The following ZNF235 variants were observed in gnomAD, a reference collection of about 807,000 sequenced individuals.
ZNF235 encodes the protein zfp-93.
ZNF235 carries 25 observed loss-of-function variants against 29.4 expected under a neutral mutation model. The ratio of observed to expected loss-of-function variants is 0.85; its 90% CI spans 0.62 to 1.19. ZNF235 has a LOEUF of 1.19. Among genes scored for constraint, ZNF235 ranks in the 50% most tolerant of loss-of-function variants. The probability of loss-of-function intolerance (pLI) is 0.00; values close to 1 mark genes in which losing one functional copy is unlikely to be tolerated. For missense variants in ZNF235, 788 were observed against 885.0 expected (o/e 0.89, Z 1.39); for synonymous variants, 300 against 295.3 (o/e 1.02, Z -0.16).
intron 1 of ZNF235, chr19:44,304,630 A>T: frequency 1.4e-6 from 1 of 735,662 alleles, no homozygotes; most frequent in Non-Finnish European, 1.7e-6. Flanking sequence ...TCTCACAAGA[A>T]CATCACTGGG....
Position 44,299,603 on chromosome 19 carries a change from T to G in ZNF235, c.142+3A>C, listed in dbSNP as rs937136362. 1 of 1,613,834 alleles carries G rather than the reference T, an allele frequency of 6.2e-7. No homozygotes were observed. Among genetic ancestry groups the G allele is most frequent in the East Asian group, 2.2e-5 (1 of 44,872 alleles). Reference sequence around the variant, plus strand: ...CTGAATTACAGAGGGTGCCTGTCCTTACCCACTGAAACCAGGTTCCTAAAG... The same window carrying G: ...CTGAATTACAGAGGGTGCCTGTCCTGACCCACTGAAACCAGGTTCCTAAAG... On this transcript the variant is annotated splice_donor_region_variant and intron_variant, in intron 3 of 4. Coordinates refer to ENST00000291182, the MANE Select transcript of ZNF235 (RefSeq NM_004234.4).
chr19:44,288,209 C>T lies in ZNF235; in HGVS notation c.1226G>A (p.Gly409Glu), dbSNP rs765620117. 1 of 1,614,138 alleles carries T rather than the reference C, an allele frequency of 6.2e-7. No homozygotes were observed. The highest frequency in any genetic ancestry group is 1.1e-5 in the South Asian group (1 of 91,080). Residue 409 changes from glycine (G) to glutamate (E), a missense_variant, in exon 5 of 5, where the codon GGG (glycine) becomes GAG (glutamate). By Grantham distance (98) the Gly-to-Glu change is moderately conservative. Coordinates refer to ENST00000291182, the MANE Select transcript of ZNF235 (RefSeq NM_004234.4). ...ATGTGATCTCTGAGTGAAGCCCTTCCCACACACCTCACATTTATAAGGTTT... is the reference window on the plus strand; with the variant it reads ...ATGTGATCTCTGAGTGAAGCCCTTCTCACACACCTCACATTTATAAGGTTT... The part of the protein sequence containing the change: ...GEKPYKCEVC[G>E]KGFTQRSHLQ...
At chr19:44,294,960 T>C (rs1299733748) in intron 4 of ZNF235, among the ~76,000 whole-genome samples, 1 of 152,104 alleles carries the variant, frequency 6.6e-6, no homozygotes, top group Non-Finnish European at 1.5e-5. Flanking sequence ...AAGCCATATA[T>C]GACAACCCAT....
intron 4 of ZNF235, among the ~76,000 whole-genome samples, chr19:44,298,077 T>C (rs934389558): frequency 1.3e-5 from 2 of 152,000 alleles, no homozygotes; most frequent in Admixed American, 1.3e-4. Context: ...CGAGACTGTG[T>C]CATTGTACTC....
At chr19:44,290,149 T>A (rs1281499622) in intron 4 of ZNF235, 1 of 152,564 alleles carries the variant, frequency 6.6e-6, no homozygotes, top group Non-Finnish European at 1.5e-5. Context: ...GTGGTGCTGG[T>A]ATCCTCCAAG....
At chr19:44,298,971 C>A (rs1975693755) in intron 3 of ZNF235, 68 bp from the exon 4 acceptor site, 6 of 1,202,768 alleles carry the variant, frequency 5.0e-6, no homozygotes. Flanking sequence ...TGGTTCCAAT[C>A]ACATGATGTA....
intron 2 of ZNF235, among the ~76,000 whole-genome samples, 169 bp downstream of exon 2, chr19:44,303,215 ATATCTC>A (rs1307924851): frequency 1.3e-5 from 2 of 148,490 alleles, no homozygotes; most frequent in Non-Finnish European, 3.0e-5. Context: ...AGATATATAT[ATATCTC>A]TCTGTTAATT....
Position 44,289,058 on chromosome 19 carries a change from A to G in ZNF235, c.377T>C (p.Ile126Thr), listed in dbSNP as rs748108291. ...LARSQDSMINIEGKSSQFPKH... is the reference protein window; with the variant it reads ...LARSQDSMINTEGKSSQFPKH... ...GGGGAACTGAGAGCTCTTTCCTTCA[A>G]TATTTATCATGGAGTCTTGACTTCT... The change falls in exon 5 of 5, where the codon ATT (isoleucine) becomes ACT (threonine). Residue 126 changes from isoleucine to threonine, a missense_variant. By Grantham distance (89) the Ile-to-Thr change is moderately conservative. Coordinates refer to ENST00000291182, the MANE Select transcript of ZNF235 (RefSeq NM_004234.4). The G allele has an allele frequency of 8.1e-6, 13 of 1,614,102 alleles. No individual in the cohort carries two copies. Among genetic ancestry groups the G allele is most frequent in the Non-Finnish European group, 9.3e-6 (11 of 1,180,008 alleles).
Position 44,288,851 on chromosome 19 carries a change from T to C in ZNF235, c.584A>G (p.Gln195Arg), listed in dbSNP as rs1975542180. ...CATCTGAGTCTGCTTACAACTTCTC[T>C]GATAATTCTGTGTCTCATTCAGATA... ...KIYLNETQNY[Q>R]RSCKQTQMKN... Residue 195 changes from glutamine to arginine, a missense_variant, in exon 5 of 5, where the codon CAG becomes CGG. By Grantham distance (43) the Gln-to-Arg change is conservative. Coordinates refer to ENST00000291182, the MANE Select transcript of ZNF235 (RefSeq NM_004234.4). 1.2e-6 allele frequency: 2 copies of C among 1,613,552 alleles called. No individual in the cohort carries two copies. The highest frequency in any genetic ancestry group is 1.7e-5 in the Admixed American group (1 of 59,930).
At chr19:44,304,354 T>C (rs1164206494) in intron 1 of ZNF235, among the ~76,000 whole-genome samples, 2 of 152,198 alleles carry the variant, frequency 1.3e-5, no homozygotes, top group African/African-American at 4.8e-5. Flanking sequence ...TTATCTGAGA[T>C]AAAACACACA....
At chr19:44,293,330 A>G (rs1975610260) in intron 4 of ZNF235, among the ~76,000 whole-genome samples, 1 of 152,160 alleles carries the variant, frequency 6.6e-6, no homozygotes, top group South Asian at 2.1e-4. Flanking sequence ...AGCAGTAAAA[A>G]AAGACAAAGT....
chr19:44,296,115 T>C (rs4802218), intron 4 of ZNF235, among the ~76,000 whole-genome samples: 1 of 151,930 alleles, frequency 6.6e-6, no homozygotes, highest in Non-Finnish European at 1.5e-5. Context: ...TAAATACATA[T>C]GAGCCCATAC....
At chr19:44,289,463 C>A in intron 4 of ZNF235, 1 of 350,712 alleles carries the variant, frequency 2.9e-6, no homozygotes. Context: ...ATGAGTCTTG[C>A]TGCCTGTGTG....
At chr19:44,301,816 G>A (rs1211057270) in intron 2 of ZNF235, among the ~76,000 whole-genome samples, 10 of 152,094 alleles carry the variant, frequency 6.6e-5, no homozygotes, top group Admixed American at 6.6e-4. Context: ...AAGCTTTAAC[G>A]TCAGCTGGGC....
chr19:44,292,753 G>A (rs891771470), intron 4 of ZNF235, among the ~76,000 whole-genome samples: 5 of 151,894 alleles, frequency 3.3e-5, no homozygotes, highest in Admixed American at 6.6e-5. Context: ...TGAACTCCAC[G>A]AAAATACATT....
chr19:44,287,122 T>C lies in ZNF235; in HGVS notation c.*96A>G, dbSNP rs1975496303. 1 of 1,288,904 alleles carries C rather than the reference T, an allele frequency of 7.8e-7. No individual in the cohort carries two copies. The highest frequency in any genetic ancestry group is 2.5e-4 in the Middle Eastern group (1 of 3,988). The allele number at this position is 1,288,904 out of a possible 1,614,324, so 79.8% of individuals were successfully genotyped here. A position where few individuals can be genotyped will look rare whatever the true frequency, so the allele number is the denominator to read the frequency against. On this transcript the variant is annotated 3_prime_UTR_variant, in exon 5 of 5. Transcript: ENST00000291182. ...TCCTGTCAAGATTCTTTGAAGCTTC[T>C]AGTTTTAAAGGAACTTTTCACAATC...
chr19:44,295,499 T>C (rs1975642579), intron 4 of ZNF235, among the ~76,000 whole-genome samples: 1 of 152,082 alleles, frequency 6.6e-6, no homozygotes, highest in Admixed American at 6.6e-5. Context: ...ATCAATATTG[T>C]TAAAAAGACC....
intron 4 of ZNF235, among the ~76,000 whole-genome samples, chr19:44,297,986 G>A (rs1975677770): frequency 6.6e-6 from 1 of 152,008 alleles, no homozygotes; most frequent in South Asian, 2.1e-4. Flanking sequence ...GGGTGTGGTG[G>A]TGCACACCTG....
At chr19:44,302,941 C>CGTAT (rs558722367) in intron 2 of ZNF235, among the ~76,000 whole-genome samples, 52 of 61,180 alleles carry the variant, frequency 8.5e-4, no homozygotes, top group African/African-American at 4.5e-3. Flanking sequence ...TTTATATATA[C>CGTAT]ATATTTGTAT....
Sources: allele counts gnomAD v4.1 joint callset (sites outside exome capture counted in the v4.1 genomes callset), GRCh38; gene constraint gnomAD v4.1.1; transcripts MANE v1.5; gene names NCBI Gene and HGNC (gene_info 2026-07-23, HGNC 2026-07-21).